The following BMP2K variants were observed in gnomAD, a reference collection of about 807,000 sequenced individuals.
The protein encoded by BMP2K is BMP-2-inducible protein kinase.
Under a neutral mutation model 116.0 loss-of-function variants are expected in BMP2K, and 74 were observed. The ratio of observed to expected loss-of-function variants is 0.64; its 90% CI spans 0.53 to 0.77. The LOEUF is 0.77. Among genes scored for constraint, BMP2K ranks in the 30% least tolerant of loss-of-function variants. The pLI is 0.00. For missense variants in BMP2K, 1,365 were observed against 1,403.6 expected (o/e 0.97, Z 0.44); for synonymous variants, 486 against 502.5 (o/e 0.97, Z 0.44).
intron 1 of BMP2K, among the ~76,000 whole-genome samples, chr4:78,823,287 GGTGA>G (rs938902747): frequency 4.6e-5 from 7 of 151,752 alleles, no homozygotes; most frequent in African/African-American, 1.5e-4. Context: ...TTGCTCTGTG[GGTGA>G]GTAAGAATAG....
At chr4:78,790,749 G>A (rs746269320) in intron 1 of BMP2K, among the ~76,000 whole-genome samples, 15 of 152,120 alleles carry the variant, frequency 9.9e-5, no homozygotes, top group Non-Finnish European at 1.9e-4. Flanking sequence ...ATAGAGCCTG[G>A]CATGGTGGCC....
rs115984215 is a variant in BMP2K, at chr4:78,840,093, T to A, written c.404-2292T>A. Among the ~76,000 whole-genome samples the A allele has an allele frequency of 4.6e-3, 692 of 151,742 alleles. 3 individuals are homozygous for A. Among genetic ancestry groups the A allele is most frequent in the African/African-American group, 0.016 (652 of 41,028 alleles). ...ATAGGTTGTATTTTTGGTTTTTTTTTAACTAAGTGGTAATATGTGTACTCA... is the reference window on the plus strand; with the variant it reads ...ATAGGTTGTATTTTTGGTTTTTTTTAAACTAAGTGGTAATATGTGTACTCA... On this transcript the variant is annotated intron_variant, in intron 3 of 15. Transcript: ENST00000502613.
intron 3 of BMP2K, among the ~76,000 whole-genome samples, chr4:78,836,241 C>T (rs1192990769): frequency 6.6e-6 from 1 of 151,870 alleles, no homozygotes; most frequent in Non-Finnish European, 1.5e-5. Flanking sequence ...CATAGTGAAA[C>T]CCCTTCTCTA....
chr4:78,826,230 T>A, intron 2 of BMP2K, 75 bp downstream of exon 2: 1 of 1,152,044 alleles, frequency 8.7e-7, no homozygotes, highest in Non-Finnish European at 1.3e-6. Flanking sequence ...TGGAGTGCAG[T>A]GGAGTGGCAC....
In BMP2K at chr4:78,912,951, GATT is replaced by G. The variant is rs1236813738; in HGVS notation, c.*922_*924del. ...TTATTGTGATGGCCCTAATAAAGCA[GATT>G]ATTGGAAAAATTGGAGGACAAGGGT... On this transcript the variant is annotated 3_prime_UTR_variant, in exon 16 of 16. Coordinates refer to ENST00000502613, the MANE Select transcript of BMP2K (RefSeq NM_198892.2). The G allele has an allele frequency of 6.6e-6, 1 of 152,050 alleles. No homozygotes were observed. The highest frequency in any genetic ancestry group is 1.5e-5 in the Non-Finnish European group (1 of 67,998). The allele number at this position is 152,050 out of a possible 1,614,324, so 9.4% of individuals were successfully genotyped here. A position where few individuals can be genotyped will look rare whatever the true frequency, so the allele number is the denominator to read the frequency against.
intron 8 of BMP2K, chr4:78,860,154 A>G (rs908925487): frequency 4.2e-6 from 2 of 471,576 alleles, no homozygotes; most frequent in African/African-American, 4.1e-5. Context: ...ACGCATAGAT[A>G]TAGACAGTGG....
intron 15 of BMP2K, among the ~76,000 whole-genome samples, chr4:78,891,095 C>T (rs537683715): frequency 1.6e-4 from 24 of 152,216 alleles, no homozygotes; most frequent in African/African-American, 5.8e-4. Context: ...TAAACTGATA[C>T]CTGATTGATA....
chr4:78,798,328 A>G (rs1485582417), intron 1 of BMP2K, among the ~76,000 whole-genome samples: 4 of 152,168 alleles, frequency 2.6e-5, no homozygotes, highest in African/African-American at 7.2e-5. Context: ...AGAAATGGAG[A>G]TACCTGCTGG....
rs2110117100 is a variant in BMP2K at position 78,914,715 on chromosome 4, A to T, written c.*2682A>T. 6.7e-6 allele frequency: 1 copy of T among 149,692 alleles called. No individual in the cohort carries two copies. Among genetic ancestry groups the T allele is most frequent in the African/African-American group, 2.5e-5 (1 of 40,668 alleles). 9.3% of individuals were successfully genotyped at this position (149,692 alleles called of 1,614,324 possible). A position where few individuals can be genotyped will look rare whatever the true frequency, so the allele number is the denominator to read the frequency against. ...AAAGGTTATTATATATGTACCACTA[A>T]GCAAATATATATATATATATATATT... On this transcript the variant is annotated 3_prime_UTR_variant, in exon 16 of 16. Coordinates refer to ENST00000502613, the MANE Select transcript of BMP2K (RefSeq NM_198892.2).
rs1395325006 is a variant in BMP2K at position 78,915,280 on chromosome 4, T to C, written c.*3247T>C. On this transcript the variant is annotated 3_prime_UTR_variant, in exon 16 of 16. Transcript: ENST00000502613. ...GGAAAATCTAAGGTGGAGCCCACTCTTCTATGCTGAAGTTCACCAGGCAGA... is the reference window on the plus strand; with the variant it reads ...GGAAAATCTAAGGTGGAGCCCACTCCTCTATGCTGAAGTTCACCAGGCAGA... The C allele has an allele frequency of 2.0e-5, 3 of 152,148 alleles. No homozygotes were observed. The highest frequency in any genetic ancestry group is 2.0e-4 in the Admixed American group (3 of 15,256). 9.4% of individuals were successfully genotyped at this position (152,148 alleles called of 1,614,324 possible). A position where few individuals can be genotyped will look rare whatever the true frequency, so the allele number is the denominator to read the frequency against.
intron 6 of BMP2K, among the ~76,000 whole-genome samples, chr4:78,848,623 A>G (rs1305320551): frequency 6.6e-6 from 1 of 151,498 alleles, no homozygotes; most frequent in African/African-American, 2.4e-5. Flanking sequence ...GTTATCCAAT[A>G]TCTTAACAAA....
In BMP2K at chr4:78,851,026, C is replaced by T. The variant is rs146652536; in HGVS notation, c.853C>T (p.Arg285Cys). 30 of 1,611,402 alleles carry T rather than the reference C, an allele frequency of 1.9e-5. No individual in the cohort carries two copies. In the East Asian group the frequency reaches 2.7e-4, roughly 14 times the overall value. The change falls in exon 7 of 16, where the codon CGT becomes TGT. Residue 285 changes from arginine to cysteine, a missense_variant. Arg to Cys is a radical substitution (Grantham distance 180). Around this residue, in one of 3 missense-constraint regions of BMP2K, gnomAD observed 762 missense variants for 756.7 expected, o/e 1.01. Transcript: ENST00000502613. ...DGNFTIPDNSRYSRNIHCLIR... is the reference protein window; with the variant it reads ...DGNFTIPDNSCYSRNIHCLIR... ...CAACTTCACCATCCCAGACAATTCT[C>T]GTTACTCCCGTAACATACATTGCTT... is the stretch of plus-strand genomic sequence containing the variant.
intron 1 of BMP2K, among the ~76,000 whole-genome samples, chr4:78,797,733 GT>G (rs201708064): frequency 1.3e-5 from 2 of 151,980 alleles, no homozygotes; most frequent in East Asian, 1.9e-4. Flanking sequence ...TATGTTTTAT[GT>G]TTTTTTTGTA....
At chr4:78,798,269 A>G (rs1230961133) in intron 1 of BMP2K, among the ~76,000 whole-genome samples, 2 of 152,184 alleles carry the variant, frequency 1.3e-5, no homozygotes, top group African/African-American at 4.8e-5. Flanking sequence ...CTCAAGTCAT[A>G]AAGGTGAGTG....
chr4:78,776,675 C>T lies in BMP2K; in HGVS notation c.132C>T (p.Phe44=). 1 of 1,243,898 alleles carries T rather than the reference C, an allele frequency of 8.0e-7. No homozygotes were observed. Among genetic ancestry groups the T allele is most frequent in the East Asian group, 3.1e-5 (1 of 32,694 alleles). The allele number at this position is 1,243,898 out of a possible 1,614,324, so 77.1% of individuals were successfully genotyped here. Residue 44 remains phenylalanine, a synonymous_variant, in exon 1 of 16, where the codon TTC becomes TTT. Transcript: ENST00000502613. ...SGGSSVGVRV[F]AVGRHQVTLE... ...GCTCGTCCGTGGGGGTCCGGGTGTT[C>T]GCGGTCGGCCGCCACCAGGTCACCC...
chr4:78,910,297 T>TG (rs1411129786), intron 15 of BMP2K, among the ~76,000 whole-genome samples: 1 of 152,136 alleles, frequency 6.6e-6, no homozygotes, highest in East Asian at 1.9e-4. Flanking sequence ...ATTTTGGTGG[T>TG]GGGGTGAAGA....
chr4:78,787,474 C>T (rs1051571165), intron 1 of BMP2K, among the ~76,000 whole-genome samples: 1 of 152,128 alleles, frequency 6.6e-6, no homozygotes, highest in African/African-American at 2.4e-5. Context: ...TGAGCCACTA[C>T]CGTTAGACAG....
chr4:78,894,593 G>T (rs1443487203), intron 15 of BMP2K, among the ~76,000 whole-genome samples: 1 of 152,172 alleles, frequency 6.6e-6, no homozygotes, highest in Non-Finnish European at 1.5e-5. Flanking sequence ...CGCAGTGGTT[G>T]GTTTGATCTT....
chr4:78,785,898 T>C (rs961514683), intron 1 of BMP2K, among the ~76,000 whole-genome samples: 1 of 152,216 alleles, frequency 6.6e-6, no homozygotes, highest in Admixed American at 6.5e-5. Flanking sequence ...AATGGACTTA[T>C]GCTCATGTCA....
Sources: gnomAD v4.1 joint callset for allele counts (sites outside exome capture counted in the v4.1 genomes callset) on GRCh38, gnomAD v4.1.1 for gene constraint, gnomAD v4.1.1 regional missense constraint, MANE v1.5 for transcripts, NCBI Gene and HGNC (gene_info 2026-07-23, HGNC 2026-07-21) for gene names.